The following NDE1 variants were observed in gnomAD, a reference collection of about 807,000 sequenced individuals.
NDE1 encodes nudE neurodevelopment protein 1.
In NDE1, 28 loss-of-function variants were observed where a neutral mutation model predicts 43.4. The ratio of observed to expected loss-of-function variants is 0.65; its 90% CI spans 0.48 to 0.89. The LOEUF is 0.89. NDE1 is among the 40% of genes least tolerant of loss of function. The pLI is 0.00. For synonymous variants in NDE1, 184 were observed against 172.0 expected (o/e 1.07, Z -0.55); for missense variants, 441 against 434.1 (o/e 1.02, Z -0.14).
At chr16:15,714,034 A>G (rs1023736820) in intron 8 of NDE1, 4 of 152,368 alleles carry the variant, frequency 2.6e-5, no homozygotes, top group African/African-American at 9.6e-5. Flanking sequence ...GCCCGGTAGA[A>G]GCAGCAGGAT....
chr16:15,691,972 T>C (rs976814216), intron 6 of NDE1, among the ~76,000 whole-genome samples: 7 of 152,050 alleles, frequency 4.6e-5, no homozygotes, highest in East Asian at 3.9e-4. Context: ...AAATTTGAAA[T>C]GTCACTGACC....
At chr16:15,666,745 C>T (rs1478507836) in intron 2 of NDE1, among the ~76,000 whole-genome samples, 2 of 152,172 alleles carry the variant, frequency 1.3e-5, no homozygotes, top group Non-Finnish European at 2.9e-5. Context: ...CTCAGCCTCC[C>T]AGGTAGCTGG....
At position 15,688,633 on chromosome 16, in the gene NDE1, C is replaced by CAA. The variant is rs35767829; in HGVS notation, c.523+1141_523+1142dup. Among the ~76,000 whole-genome samples, 95 of 37,408 alleles carry CAA rather than the reference C, an allele frequency of 2.5e-3. 2 individuals carry two copies. Among genetic ancestry groups the CAA allele is most frequent in the East Asian group, 5.1e-3 (5 of 982 alleles). 24.5% of individuals were successfully genotyped at this position (37,408 alleles called of 152,430 possible). On this transcript the variant is annotated intron_variant, in intron 5 of 8. Transcript: ENST00000396354. ...GGGTGACAGAGTGAGACTCTTGTCT[C>CAA]AAAAAAAAAAAAAAAAAAAAGACAT...
intron 8 of NDE1, chr16:15,719,833 C>T (rs2040371714): frequency 2.1e-6 from 3 of 1,410,704 alleles, no homozygotes. Flanking sequence ...AAGAAGTTCC[C>T]ATTGCACGAG....
At chr16:15,670,424 G>A (rs1040859225) in intron 3 of NDE1, among the ~76,000 whole-genome samples, 13 of 152,116 alleles carry the variant, frequency 8.5e-5, no homozygotes, top group South Asian at 2.1e-4. Context: ...TCAGGAGGCC[G>A]AGGTGGGCAG....
chr16:15,662,599 T>C (rs1341768990), intron 1 of NDE1, among the ~76,000 whole-genome samples: 1 of 151,972 alleles, frequency 6.6e-6, no homozygotes, highest in Non-Finnish European at 1.5e-5. Context: ...CTTTTTTAAA[T>C]AGGATCTCAC....
chr16:15,719,726 A>G lies in NDE1; in HGVS notation c.948-4465A>G, dbSNP rs755791297. ...CCTTCATCTGAGCCTGCATGAGTCA[A>G]CAGGGAGGACAAGCTCAGATGTCCT... On this transcript the variant is annotated intron_variant, in intron 8 of 8. Coordinates refer to ENST00000396354, the MANE Select transcript of NDE1 (RefSeq NM_017668.3). 1.2e-6 allele frequency: 2 copies of G among 1,613,950 alleles called. No homozygotes were observed. The highest frequency in any genetic ancestry group is 2.7e-5 in the African/African-American group (2 of 74,918).
At chr16:15,687,015 T>C (rs933716208) in intron 4 of NDE1, 4 of 985,424 alleles carry the variant, frequency 4.1e-6, no homozygotes, top group Non-Finnish European at 4.8e-6. Flanking sequence ...TTATTTTTAA[T>C]GCTGGTTGGC....
At chr16:15,694,506 T>G (rs962287360) in intron 7 of NDE1, 8 of 1,202,730 alleles carry the variant, frequency 6.7e-6, no homozygotes, top group Non-Finnish European at 5.6e-6. Flanking sequence ...CCACTATGCC[T>G]GGCTGATACT....
chr16:15,650,970 A>G (rs1191703780), intron 1 of NDE1, among the ~76,000 whole-genome samples: 1 of 152,034 alleles, frequency 6.6e-6, no homozygotes, highest in African/African-American at 2.4e-5. Context: ...TTCTGACAGC[A>G]CTTTGGGGAG....
At chr16:15,689,897 C>T (rs1291598617) in intron 5 of NDE1, among the ~76,000 whole-genome samples, 1 of 147,302 alleles carries the variant, frequency 6.8e-6, no homozygotes, top group South Asian at 2.1e-4. Flanking sequence ...CGAGACTGTG[C>T]CACTGCACTT....
intron 8 of NDE1, chr16:15,720,786 G>A: frequency 6.4e-7 from 1 of 1,561,268 alleles, no homozygotes; most frequent in Non-Finnish European, 8.8e-7. Context: ...GTGGTGATAG[G>A]AATGAAAAAG....
chr16:15,712,848 G>A (rs1173421015), intron 8 of NDE1: 2 of 146,546 alleles, frequency 1.4e-5, no homozygotes, highest in Non-Finnish European at 3.0e-5. Context: ...AGTGATGGGT[G>A]GGGGCGAGGG....
chr16:15,688,938 TCTGCCTGCCTCGGC>T (rs1424503512), intron 5 of NDE1, among the ~76,000 whole-genome samples: 2 of 151,962 alleles, frequency 1.3e-5, no homozygotes, highest in Non-Finnish European at 2.9e-5. Context: ...CCCCAGGCGA[TCTGCCTGCCTCGGC>T]CTCCCAAAGT....
At chr16:15,658,530 T>G (rs2036885489) in intron 1 of NDE1, among the ~76,000 whole-genome samples, 1 of 152,222 alleles carries the variant, frequency 6.6e-6, no homozygotes, top group Non-Finnish European at 1.5e-5. Context: ...CCCTCTGAAC[T>G]CATGAAATGA....
intron 8 of NDE1, chr16:15,719,444 A>T (rs1596713450): frequency 6.7e-7 from 1 of 1,483,420 alleles, no homozygotes; most frequent in East Asian, 2.3e-5. Flanking sequence ...GAATACATAG[A>T]GGAGGGAAGC....
chr16:15,689,511 A>G (rs903351866), intron 5 of NDE1, among the ~76,000 whole-genome samples: 48 of 152,330 alleles, frequency 3.2e-4, no homozygotes, highest in Non-Finnish European at 5.7e-4. Context: ...AATCATTGCC[A>G]AGACATACCA....
At chr16:15,706,169 T>C (rs553767071) in intron 8 of NDE1, among the ~76,000 whole-genome samples, 42 of 152,106 alleles carry the variant, frequency 2.8e-4, no homozygotes, top group African/African-American at 9.6e-4. Context: ...CTGCAGCCAC[T>C]TCAAAGTAAA....
At chr16:15,695,665 C>CA in intron 7 of NDE1, 1 of 985,234 alleles carries the variant, frequency 1.0e-6, no homozygotes. Context: ...TAACTCCTAC[C>CA]AAGTTGTCAC....
Sources: allele counts gnomAD v4.1 joint callset (sites outside exome capture counted in the v4.1 genomes callset), GRCh38; gene constraint gnomAD v4.1.1; transcripts MANE v1.5; gene names NCBI Gene and HGNC (gene_info 2026-07-23, HGNC 2026-07-21).